Variants in FANCC observed in about 807,000 individuals in gnomAD.
The protein encoded by FANCC is Fanconi anemia group C protein.
Under a neutral mutation model 71.3 loss-of-function variants are expected in FANCC, and 55 were observed. The ratio of observed to expected loss-of-function variants is 0.77; its 90% CI spans 0.62 to 0.97. FANCC has a LOEUF of 0.97. Among genes scored for constraint, FANCC ranks in the 50% least tolerant of loss-of-function variants. The pLI is 0.00. For synonymous variants in FANCC, 275 were observed against 244.9 expected (o/e 1.12, Z -1.15); for missense variants, 678 against 670.9 (o/e 1.01, Z -0.12).
At chr9:95,291,531 G>A (rs1427037834) in intron 1 of FANCC, among the ~76,000 whole-genome samples, 3 of 151,902 alleles carry the variant, frequency 2.0e-5, no homozygotes, top group Admixed American at 6.6e-5. Flanking sequence ...TTTAACCAAG[G>A]ATGTGAAAGA....
At chr9:95,126,711 A>AC (rs1160528475) in intron 8 of FANCC, 130 bp from the exon 9 acceptor site, 2 of 891,230 alleles carry the variant, frequency 2.2e-6, no homozygotes, top group African/African-American at 3.3e-5. Flanking sequence ...TTTGGTTAGA[A>AC]GAACGAACCA....
intron 1 of FANCC, among the ~76,000 whole-genome samples, chr9:95,265,825 G>A (rs1832351686): frequency 6.6e-6 from 1 of 152,110 alleles, no homozygotes; most frequent in South Asian, 2.1e-4. Flanking sequence ...GAAAATCACT[G>A]CAAATAAAAA....
At chr9:95,208,402 A>C (rs1166817218) in intron 4 of FANCC, among the ~76,000 whole-genome samples, 2 of 152,014 alleles carry the variant, frequency 1.3e-5, no homozygotes, top group Admixed American at 1.3e-4. Flanking sequence ...CGGCCTCCAT[A>C]AACCTTTTAA....
At chr9:95,236,082 T>C (rs112655897) in intron 4 of FANCC, among the ~76,000 whole-genome samples, 18 of 152,306 alleles carry the variant, frequency 1.2e-4, no homozygotes, top group African/African-American at 3.6e-4. Flanking sequence ...TTGCTTAGTA[T>C]TGCATTTCGA....
intron 1 of FANCC, among the ~76,000 whole-genome samples, chr9:95,260,673 A>G (rs976688689): frequency 1.0e-4 from 14 of 139,198 alleles, no homozygotes; most frequent in African/African-American, 3.5e-4. Flanking sequence ...CATGTATCTC[A>G]GAACTTAAAA....
chr9:95,107,161 T>A lies in FANCC; in HGVS notation c.1438A>T (p.Arg480Ter). Residue 480 changes from arginine to a stop codon, truncating the protein, a stop_gained, in exon 14 of 15, where the codon AGA (arginine) becomes TGA (stop). Transcript: ENST00000289081. LOFTEE classifies it high-confidence loss of function. ...VAGQGTDTDLRAPAQQLIRHL... is the reference protein window; with the variant it reads ...VAGQGTDTDL ...CTGATCAGCTGTTGTGCAGGAGCTC[T>A]GAGGTCTGTGTCTGTGCCCTGTCCT... 2 of 1,614,166 alleles carry A rather than the reference T, an allele frequency of 1.2e-6. No individual in the cohort carries two copies. The highest frequency in any genetic ancestry group is 1.7e-6 in the Non-Finnish European group (2 of 1,179,972).
chr9:95,119,095 C>T (rs1003264895), intron 10 of FANCC, among the ~76,000 whole-genome samples: 7 of 152,188 alleles, frequency 4.6e-5, no homozygotes, highest in African/African-American at 1.7e-4. Flanking sequence ...GGGAACATAA[C>T]CCTATGTATG....
intron 1 of FANCC, chr9:95,294,417 C>T: frequency 5.6e-6 from 9 of 1,604,504 alleles, no homozygotes; most frequent in Non-Finnish European, 7.7e-6. Context: ...GAAATTCTAA[C>T]TTCTTAGGCC....
rs201464525 is a variant in FANCC at position 95,181,137 on chromosome 9, T to TAC, written c.346-8992_346-8991dup. ...TCTCTCTCCTCTCTATATATACACA[T>TAC]ACACACACACACACGTACACATTGT... On this transcript the variant is annotated intron_variant, in intron 4 of 14. Coordinates refer to ENST00000289081, the MANE Select transcript of FANCC (RefSeq NM_000136.3). 8.5e-5 allele frequency among the ~76,000 whole-genome samples: 12 copies of TAC among 141,712 alleles called. No homozygotes were observed. The East Asian group carries it at 1.1e-3, about 13-fold the overall frequency. 93.0% of individuals were successfully genotyped at this position (141,712 alleles called of 152,430 possible). A position where few individuals can be genotyped will look rare whatever the true frequency, so the allele number is the denominator to read the frequency against.
chr9:95,107,645 GCAGT>G (rs1432583355), intron 13 of FANCC: 2 of 389,442 alleles, frequency 5.1e-6, no homozygotes, highest in Non-Finnish European at 9.7e-6. Flanking sequence ...AAAGCCCCAC[GCAGT>G]CAGACCTCCG....
rs148805488 is a variant in FANCC, at chr9:95,159,184, C to T, written c.522-9097G>A. Among the ~76,000 whole-genome samples, 181 of 152,102 alleles carry T rather than the reference C, an allele frequency of 1.2e-3. 2 individuals carry two copies. Among genetic ancestry groups the T allele is most frequent in the African/African-American group, 4.2e-3 (176 of 41,412 alleles). ...TCTCCTAATGCTATCCCTCCCCTTG[C>T]CCCCCACTCCACAACAAGCCCCAGG... On this transcript the variant is annotated intron_variant, in intron 6 of 14. Coordinates refer to ENST00000289081, the MANE Select transcript of FANCC (RefSeq NM_000136.3).
intron 4 of FANCC, among the ~76,000 whole-genome samples, chr9:95,208,844 ACTAAGCATACC>A (rs1161954099): frequency 1.3e-5 from 2 of 152,286 alleles, no homozygotes; most frequent in East Asian, 3.9e-4. Context: ...TTCTTATAAA[ACTAAGCATACC>A]CTTACCATAT....
intron 1 of FANCC, among the ~76,000 whole-genome samples, chr9:95,257,501 G>A (rs566213082): frequency 5.1e-4 from 78 of 152,172 alleles, no homozygotes; most frequent in African/African-American, 1.8e-3. Flanking sequence ...AAGACACAAC[G>A]TACCAGAATC....
chr9:95,156,123 T>A (rs1421261205), intron 6 of FANCC, among the ~76,000 whole-genome samples: 1 of 152,148 alleles, frequency 6.6e-6, no homozygotes, highest in Admixed American at 6.5e-5. Flanking sequence ...TTTGGTGTTG[T>A]TGTTGTTGTT....
At chr9:95,195,502 G>C (rs1428485696) in intron 4 of FANCC, among the ~76,000 whole-genome samples, 1 of 152,096 alleles carries the variant, frequency 6.6e-6, no homozygotes, top group Non-Finnish European at 1.5e-5. Context: ...AATATCACAG[G>C]ATCTAATTAT....
intron 4 of FANCC, among the ~76,000 whole-genome samples, chr9:95,238,847 C>G (rs79505818): frequency 1.3e-5 from 2 of 152,116 alleles, no homozygotes; most frequent in Non-Finnish European, 2.9e-5. Context: ...CATGAGCCAC[C>G]GCGCCCAGGC....
chr9:95,149,910 A>G lies in FANCC; in HGVS notation c.686+13T>C, dbSNP rs759792355. Reference sequence around the variant, plus strand: ...AAAACGACGCAGGATGACAGGAAACATTTGCCACTTACAGCAAAATGGCCT... The same window carrying G: ...AAAACGACGCAGGATGACAGGAAACGTTTGCCACTTACAGCAAAATGGCCT... On this transcript the variant is annotated intron_variant, in intron 7 of 14. Transcript: ENST00000289081. The G allele has an allele frequency of 1.9e-6, 3 of 1,588,850 alleles. No homozygotes were observed. The highest frequency in any genetic ancestry group is 2.6e-6 in the Non-Finnish European group (3 of 1,167,230).
chr9:95,192,869 G>T (rs1027240858), intron 4 of FANCC, among the ~76,000 whole-genome samples: 4 of 152,172 alleles, frequency 2.6e-5, no homozygotes, highest in African/African-American at 9.7e-5. Context: ...AATGGGAACA[G>T]GCAGAATTTC....
chr9:95,221,629 T>A (rs1380318708), intron 4 of FANCC, among the ~76,000 whole-genome samples: 1 of 152,174 alleles, frequency 6.6e-6, no homozygotes, highest in Non-Finnish European at 1.5e-5. Context: ...TGAATACATA[T>A]CTTTGACAAA....
Sources: gnomAD v4.1 joint callset for allele counts (sites outside exome capture counted in the v4.1 genomes callset) on GRCh38, gnomAD v4.1.1 for gene constraint, MANE v1.5 for transcripts, NCBI Gene and HGNC (gene_info 2026-07-23, HGNC 2026-07-21) for gene names.